The following LNPEP variants were observed in gnomAD, a reference collection of about 807,000 sequenced individuals.
LNPEP encodes the protein leucyl and cystinyl aminopeptidase.
A neutral mutation model predicts 120.6 loss-of-function variants in LNPEP; 64 were observed. The ratio of observed to expected loss-of-function variants is 0.53; its 90% CI spans 0.43 to 0.65. LNPEP has a LOEUF of 0.65. Ranked by LOEUF, LNPEP falls within the 30% of genes least tolerant of loss-of-function variation. The pLI is 0.00. For missense variants in LNPEP, 1,057 were observed against 1,200.0 expected (o/e 0.88, Z 1.76); for synonymous variants, 435 against 425.4 (o/e 1.02, Z -0.28).
chr5:96,938,361 T>G (rs761877779), intron 1 of LNPEP, among the ~76,000 whole-genome samples: 15 of 152,196 alleles, frequency 9.9e-5, no homozygotes, highest in Non-Finnish European at 1.9e-4. Flanking sequence ...ATGGAATCTT[T>G]CCCACTTACA....
intron 1 of LNPEP, chr5:96,958,505 A>G: frequency 1.0e-6 from 1 of 985,306 alleles, no homozygotes; most frequent in African/African-American, 1.7e-5. Flanking sequence ...AATGTCAGGC[A>G]TGTTGTGGGG....
chr5:96,985,343 T>C, intron 3 of LNPEP, 125 bp downstream of exon 3: 1 of 739,122 alleles, frequency 1.4e-6, no homozygotes. Context: ...TATTCTTCCT[T>C]AAAATACTTA....
intron 14 of LNPEP, among the ~76,000 whole-genome samples, chr5:97,022,870 G>C (rs1381290483): frequency 7.1e-6 from 1 of 140,366 alleles, no homozygotes; most frequent in Non-Finnish European, 1.5e-5. Flanking sequence ...TCCCACCTAT[G>C]AGTGAGAACA....
intron 11 of LNPEP, chr5:97,010,568 A>G: frequency 1.0e-6 from 1 of 985,224 alleles, no homozygotes; most frequent in Non-Finnish European, 1.2e-6. Context: ...CTTTGTAGTA[A>G]AAACGGGTTT....
chr5:97,022,737 T>G (rs1791236232), intron 14 of LNPEP, among the ~76,000 whole-genome samples: 2 of 149,906 alleles, frequency 1.3e-5, no homozygotes, highest in South Asian at 2.2e-4. Context: ...GCTGCACCCA[T>G]TAACTCGTCA....
At chr5:96,938,485 C>T (rs1471530020) in intron 1 of LNPEP, among the ~76,000 whole-genome samples, 2 of 152,336 alleles carry the variant, frequency 1.3e-5, no homozygotes, top group East Asian at 3.9e-4. Context: ...GTTCCATCTA[C>T]TGACCTATGC....
At chr5:96,967,627 T>G (rs1048354634) in intron 1 of LNPEP, among the ~76,000 whole-genome samples, 1 of 152,090 alleles carries the variant, frequency 6.6e-6, no homozygotes, top group South Asian at 2.1e-4. Context: ...CCTCCTGATT[T>G]AAGATCCAGC....
chr5:96,997,873 C>G (rs1448947105), intron 7 of LNPEP, 141 bp from the exon 8 acceptor site: 1 of 535,478 alleles, frequency 1.9e-6, no homozygotes, highest in African/African-American at 2.0e-5. Context: ...TTTTTGAAAG[C>G]TTATATCCTG....
intron 4 of LNPEP, among the ~76,000 whole-genome samples, chr5:96,991,789 T>C (rs897836268): frequency 1.3e-5 from 2 of 152,198 alleles, no homozygotes; most frequent in African/African-American, 4.8e-5. Context: ...TTGAATAAGA[T>C]GTCCTTTCCC....
At chr5:97,026,528 T>C in intron 15 of LNPEP, 89 bp from the exon 16 acceptor site, 1 of 1,026,220 alleles carries the variant, frequency 9.7e-7, no homozygotes. Context: ...ACAGCTTTAA[T>C]TAGGAAACCA....
intron 9 of LNPEP, among the ~76,000 whole-genome samples, chr5:97,005,038 C>T (rs568182343): frequency 5.9e-5 from 9 of 152,246 alleles, no homozygotes; most frequent in East Asian, 1.9e-4. Flanking sequence ...AATACTGCTT[C>T]GACACCCAAA....
At chr5:96,947,705 C>T (rs910628347) in intron 1 of LNPEP, among the ~76,000 whole-genome samples, 3 of 152,236 alleles carry the variant, frequency 2.0e-5, no homozygotes, top group Non-Finnish European at 2.9e-5. Context: ...GTTATTATTA[C>T]AACTTTGTAC....
chr5:96,995,116 T>G (rs149362438), intron 6 of LNPEP, among the ~76,000 whole-genome samples: 1 of 151,968 alleles, frequency 6.6e-6, no homozygotes, highest in Non-Finnish European at 1.5e-5. Context: ...CAAAAAAAAA[T>G]AGGTCATATA....
intron 1 of LNPEP, among the ~76,000 whole-genome samples, chr5:96,952,838 A>T (rs1309177187): frequency 2.0e-5 from 3 of 152,090 alleles, no homozygotes; most frequent in Non-Finnish European, 4.4e-5. Flanking sequence ...CCCTTTCATG[A>T]TCTCTTAGAC....
intron 8 of LNPEP, among the ~76,000 whole-genome samples, chr5:97,001,488 C>G (rs2112639190): frequency 6.6e-6 from 1 of 152,218 alleles, no homozygotes; most frequent in South Asian, 2.1e-4. Context: ...AGATACCACA[C>G]AGGCAGTTGG....
intron 4 of LNPEP, among the ~76,000 whole-genome samples, chr5:96,986,884 T>A (rs1790256154): frequency 6.6e-6 from 1 of 152,168 alleles, no homozygotes; most frequent in Non-Finnish European, 1.5e-5. Flanking sequence ...TTTTAAAAAA[T>A]TTTACTTTTA....
chr5:96,954,618 CTATATA>C (rs1168984975), intron 1 of LNPEP, among the ~76,000 whole-genome samples: 1 of 57,536 alleles, frequency 1.7e-5, no homozygotes, highest in African/African-American at 5.8e-5. Context: ...CTCTCTCTCT[CTATATA>C]TATATATACA....
chr5:96,951,676 A>C (rs1789327923), intron 1 of LNPEP, among the ~76,000 whole-genome samples: 1 of 152,224 alleles, frequency 6.6e-6, no homozygotes. Context: ...AGGATAAAGA[A>C]AATTACTTTT....
At chr5:97,004,190 A>G (rs1256162703) in intron 9 of LNPEP, among the ~76,000 whole-genome samples, 1 of 152,208 alleles carries the variant, frequency 6.6e-6, no homozygotes, top group Non-Finnish European at 1.5e-5. Context: ...TGTTACCCTG[A>G]TTTAGATTGA....
Sources: allele counts gnomAD v4.1 joint callset (sites outside exome capture counted in the v4.1 genomes callset), GRCh38; gene constraint gnomAD v4.1.1; transcripts MANE v1.5; gene names NCBI Gene and HGNC (gene_info 2026-07-23, HGNC 2026-07-21).